NRP1: variants seen among roughly 807,000 people sequenced by gnomAD.
NRP1 encodes the protein neuropilin 1.
In NRP1, 35 loss-of-function variants were observed where a neutral mutation model predicts 106.7. That is an observed-to-expected ratio of 0.33 (90% CI 0.25 to 0.43). NRP1 has a LOEUF of 0.43. NRP1 is among the 20% of genes least tolerant of loss of function. NRP1 has a pLI of 1.00. For missense variants in NRP1, 1,024 were observed against 1,170.4 expected (o/e 0.87, Z 1.83); for synonymous variants, 437 against 417.9 (o/e 1.05, Z -0.56).
At chr10:33,209,144 T>G (rs921719284) in intron 9 of NRP1, among the ~76,000 whole-genome samples, 3 of 152,078 alleles carry the variant, frequency 2.0e-5, no homozygotes, top group Non-Finnish European at 2.9e-5. Flanking sequence ...TGACCTCAAG[T>G]GATCTGCCTG....
chr10:33,294,617 CAAA>C (rs11403961), intron 2 of NRP1, among the ~76,000 whole-genome samples: 1 of 112,040 alleles, frequency 8.9e-6, no homozygotes, highest in Admixed American at 9.3e-5. Flanking sequence ...AACTCCGTCT[CAAA>C]AAAAAAAAAA....
chr10:33,304,894 A>G (rs11597915), intron 2 of NRP1, among the ~76,000 whole-genome samples: 60,978 of 152,130 alleles, frequency 0.4, 14,064 homozygotes, highest in East Asian at 0.57. Flanking sequence ...TCTTGAGTCT[A>G]AGCAATGACA....
intron 3 of NRP1, among the ~76,000 whole-genome samples, chr10:33,264,366 C>G (rs1842775664): frequency 6.6e-6 from 1 of 152,322 alleles, no homozygotes; most frequent in Middle Eastern, 3.4e-3. Flanking sequence ...ACCTATGCCT[C>G]TTTGACAAAC....
intron 3 of NRP1, among the ~76,000 whole-genome samples, chr10:33,264,896 G>A (rs1270294878): frequency 6.6e-6 from 1 of 152,086 alleles, no homozygotes; most frequent in Non-Finnish European, 1.5e-5. Context: ...ATCACCTGAG[G>A]TCAGGAGTTC....
In NRP1 at chr10:33,185,670, C is replaced by T; in HGVS notation, c.2389G>A (p.Asp797Asn). ...KGNLGGIAVD[D>N]ISINNHISQE... is the part of the protein sequence containing the mutation. ...GAAATGTGGTTATTAATACTAATGT[C>T]ATCCACAGCAATCCCACCAAGGTTT... is the stretch of plus-strand genomic sequence containing the variant. The change falls in exon 15 of 17, where the codon GAC becomes AAC. Residue 797 changes from aspartate to asparagine, a missense_variant. By Grantham distance (23) the Asp-to-Asn change is conservative. Around this residue, in one of 5 missense-constraint regions of NRP1, gnomAD observed 164 missense variants for 161.4 expected, o/e 1.02. Coordinates refer to ENST00000374867, the MANE Select transcript of NRP1 (RefSeq NM_003873.7). 1 of 1,614,106 alleles carries T rather than the reference C, an allele frequency of 6.2e-7. No individual in the cohort carries two copies. The highest frequency in any genetic ancestry group is 8.5e-7 in the Non-Finnish European group (1 of 1,179,962).
At chr10:33,248,417 C>T (rs1024013155) in intron 6 of NRP1, among the ~76,000 whole-genome samples, 4 of 152,204 alleles carry the variant, frequency 2.6e-5, no homozygotes, top group African/African-American at 9.6e-5. Flanking sequence ...GGACCAGTTT[C>T]TCATGTTGAA....
At chr10:33,280,307 C>T (rs532965893) in intron 2 of NRP1, among the ~76,000 whole-genome samples, 20 of 152,240 alleles carry the variant, frequency 1.3e-4, no homozygotes, top group African/African-American at 3.1e-4. Context: ...AGGGAAGGAA[C>T]GCCTCCCTTA....
chr10:33,256,383 G>A lies in NRP1; in HGVS notation c.747C>T (p.Thr249=), dbSNP rs16934288. Residue 249 remains threonine (T), a synonymous_variant, in exon 5 of 17, where the codon ACC becomes ACT. Transcript: ENST00000374867. ...SSGILSMVFY[T]DSAIAKEGFS... is the part of the protein sequence containing the mutation. ...AACCTTCTTTTGCTATCGCGCTGTC[G>A]GTGTAAAAAACCATGGAGAGAATGC... 15,046 of 1,614,054 alleles carry A rather than the reference G, an allele frequency of 9.3e-3. 1,072 individuals carry two copies. The African/African-American group carries it at 0.17, about 18-fold the overall frequency.
Position 33,280,556 on chromosome 10 carries a change from G to A in NRP1, c.249-9700C>T, listed in dbSNP as rs1051504299. ...AAAAAAAAATACAATTACTTTCATGGATTGTCTCTAGAAGAGTTTATATAG... is the reference window on the plus strand; with the variant it reads ...AAAAAAAAATACAATTACTTTCATGAATTGTCTCTAGAAGAGTTTATATAG... On this transcript the variant is annotated intron_variant, in intron 2 of 16. Transcript: ENST00000374867. Among the ~76,000 whole-genome samples, 3 of 152,110 alleles carry A rather than the reference G, an allele frequency of 2.0e-5. No individual in the cohort carries two copies. The East Asian group carries it at 5.8e-4, about 29-fold the overall frequency.
At chr10:33,312,192 G>A (rs1192379394) in intron 2 of NRP1, among the ~76,000 whole-genome samples, 1 of 152,220 alleles carries the variant, frequency 6.6e-6, no homozygotes, top group Non-Finnish European at 1.5e-5. Flanking sequence ...TTTCCTGTCT[G>A]TAATTGAATC....
chr10:33,196,681 G>C lies in NRP1; in HGVS notation c.1924+969C>G, dbSNP rs74926329. Among the ~76,000 whole-genome samples, 238 of 152,274 alleles carry C rather than the reference G, an allele frequency of 1.6e-3. 3 individuals carry two copies. The East Asian group carries it at 0.042, about 27-fold the overall frequency. On this transcript the variant is annotated intron_variant, in intron 12 of 16. Coordinates refer to ENST00000374867, the MANE Select transcript of NRP1 (RefSeq NM_003873.7). ...TACAGGGCAGCTGGGGGTTAAGTTT[G>C]ACCAAAGAGAAGTTTGTTTTGCAGT...
chr10:33,229,856 C>T (rs1839968679), intron 6 of NRP1, among the ~76,000 whole-genome samples: 1 of 152,068 alleles, frequency 6.6e-6, no homozygotes, highest in East Asian at 1.9e-4. Context: ...AATGCATTGG[C>T]AACCTCCTCT....
chr10:33,327,482 C>T (rs1371808444), intron 2 of NRP1, among the ~76,000 whole-genome samples: 1 of 152,136 alleles, frequency 6.6e-6, no homozygotes, highest in African/African-American at 2.4e-5. Flanking sequence ...TAAAAGCTCA[C>T]CAGCTTTCAG....
intron 2 of NRP1, among the ~76,000 whole-genome samples, chr10:33,280,276 C>T (rs1844020497): frequency 6.6e-6 from 1 of 152,084 alleles, no homozygotes; most frequent in South Asian, 2.1e-4. Context: ...TTATAAAACC[C>T]AAGGATTCAT....
At chr10:33,276,200 CACTA>C (rs1421373676) in intron 2 of NRP1, among the ~76,000 whole-genome samples, 1 of 152,114 alleles carries the variant, frequency 6.6e-6, no homozygotes, top group Non-Finnish European at 1.5e-5. Context: ...TTTTGAAAAG[CACTA>C]ACTACCTATA....
At chr10:33,262,226 C>T (rs965202729) in intron 4 of NRP1, among the ~76,000 whole-genome samples, 1 of 152,158 alleles carries the variant, frequency 6.6e-6, no homozygotes, top group African/African-American at 2.4e-5. Context: ...AAACACAAGA[C>T]AAGCAATGCA....
At chr10:33,231,729 T>C (rs1248333389) in intron 6 of NRP1, among the ~76,000 whole-genome samples, 1 of 152,084 alleles carries the variant, frequency 6.6e-6, no homozygotes, top group Non-Finnish European at 1.5e-5. Context: ...TCATGCAGCA[T>C]CAAGGAAAAG....
Position 33,180,275 on chromosome 10 carries a change from A to T in NRP1, c.2573T>A (p.Leu858His). 6.2e-7 allele frequency: 1 copy of T among 1,614,108 alleles called. No individual in the cohort carries two copies. The highest frequency in any genetic ancestry group is 8.5e-7 in the Non-Finnish European group (1 of 1,180,004). Residue 858 changes from leucine (L) to histidine (H), a missense_variant, in exon 17 of 17, where the codon CTC becomes CAC. Around this residue, in one of 5 missense-constraint regions of NRP1, gnomAD observed 164 missense variants for 161.4 expected, o/e 1.02. Transcript: ENST00000374867. ...GNVLKTLDPI[L>H]ITIIAMSALG... ...GGCACTCATGGCTATGATGGTGATG[A>T]GGATGGGGTCTAAGGTCTTCAACAC...
intron 10 of NRP1, chr10:33,206,354 C>G (rs1263824858): frequency 1.7e-5 from 9 of 518,516 alleles, no homozygotes; most frequent in South Asian, 5.6e-5. Context: ...TTGATAGTGC[C>G]TGGATAATTT....
Sources: gnomAD v4.1 joint callset for allele counts (sites outside exome capture counted in the v4.1 genomes callset) on GRCh38, gnomAD v4.1.1 for gene constraint, gnomAD v4.1.1 regional missense constraint, MANE v1.5 for transcripts, NCBI Gene and HGNC (gene_info 2026-07-23, HGNC 2026-07-21) for gene names.